The following LHCGR variants were observed in gnomAD, a reference collection of about 807,000 sequenced individuals.
LHCGR encodes luteinizing hormone/choriogonadotropin receptor, also known as lutropin-choriogonadotropic hormone receptor.
LHCGR carries 55 observed loss-of-function variants against 60.7 expected under a neutral mutation model. The observed-to-expected ratio is 0.91, with a 90% CI of 0.73 to 1.13. LHCGR has a LOEUF of 1.13. Ranked by LOEUF, LHCGR falls within the 50% of genes most tolerant of loss-of-function variation. The pLI is 0.00. For synonymous variants in LHCGR, 337 were observed against 316.5 expected (o/e 1.06, Z -0.69); for missense variants, 862 against 836.0 (o/e 1.03, Z -0.38).
chr2:48,689,220 CAT>C (rs1201775024), intron 10 of LHCGR, among the ~76,000 whole-genome samples: 1 of 151,414 alleles, frequency 6.6e-6, no homozygotes, highest in African/African-American at 2.4e-5. Context: ...ATATATATAA[CAT>C]TGATACAAAA....
At chr2:48,709,045 T>TAC in intron 7 of LHCGR, 23 bp from the exon 8 acceptor site, 1 of 1,591,706 alleles carries the variant, frequency 6.3e-7, no homozygotes, top group Non-Finnish European at 8.6e-7. Context: ...ATATTGCCCT[T>TAC]AGTGGAGTTT....
Position 48,729,241 on chromosome 2 carries a change from G to A in LHCGR, c.234-14C>T. The A allele has an allele frequency of 1.3e-6, 2 of 1,584,322 alleles. No homozygotes were observed. The highest frequency in any genetic ancestry group is 1.7e-6 in the Non-Finnish European group (2 of 1,156,398). ...TGAGAGATTTCACTAGGGAAGAGAG[G>A]AGGGGGAAAAAGAGAAAGAAACATG... On this transcript the variant is annotated splice_polypyrimidine_tract_variant and intron_variant, in intron 2 of 10. Coordinates refer to ENST00000294954, the MANE Select transcript of LHCGR (RefSeq NM_000233.4).
intron 6 of LHCGR, among the ~76,000 whole-genome samples, chr2:48,714,483 CTT>C (rs61510695): frequency 0.13 from 17,613 of 139,766 alleles, 1,246 homozygotes; most frequent in Middle Eastern, 0.24. Flanking sequence ...ACTGAGCCCA[CTT>C]TTTTTTTTTT....
intron 6 of LHCGR, among the ~76,000 whole-genome samples, chr2:48,716,932 G>T (rs985505398): frequency 6.6e-6 from 1 of 152,160 alleles, no homozygotes; most frequent in Non-Finnish European, 1.5e-5. Flanking sequence ...GAAACTAATA[G>T]TGGTATCCAA....
At position 48,698,749 on chromosome 2, in the gene LHCGR, G is replaced by A. The variant is rs1297774831; in HGVS notation, c.732C>T (p.Ser244=). 6.2e-7 allele frequency: 1 copy of A among 1,613,936 alleles called. No individual in the cohort carries two copies. The highest frequency in any genetic ancestry group is 1.3e-5 in the African/African-American group (1 of 74,908). Residue 244 remains serine (S), a synonymous_variant, in exon 9 of 11, where the codon TCC becomes TCT. Coordinates refer to ENST00000294954, the MANE Select transcript of LHCGR (RefSeq NM_000233.4). ...LQALPSYGLE[S]IQRLIATSSY... ...ATGACGTGGCAATTAGCCTCTGAAT[G>A]GACTCTAGGCCATAGCTCGGCAGGG...
chr2:48,705,513 G>T (rs1251546419), intron 8 of LHCGR, among the ~76,000 whole-genome samples: 1 of 152,152 alleles, frequency 6.6e-6, no homozygotes, highest in African/African-American at 2.4e-5. Context: ...CATTATTATT[G>T]TGTGGGAGTC....
intron 1 of LHCGR, among the ~76,000 whole-genome samples, chr2:48,740,440 C>A (rs1669394771): frequency 6.6e-6 from 1 of 152,212 alleles, no homozygotes. Context: ...TTAAATGTCC[C>A]TGTCTGACAG....
intron 1 of LHCGR, chr2:48,732,754 G>C (rs1054771204): frequency 2.2e-6 from 1 of 460,154 alleles, no homozygotes; most frequent in Non-Finnish European, 4.4e-6. Context: ...TCTGCAAAGC[G>C]GTTTACCAGC....
chr2:48,711,341 A>G (rs1667980754), intron 7 of LHCGR, among the ~76,000 whole-genome samples: 1 of 152,202 alleles, frequency 6.6e-6, no homozygotes, highest in Non-Finnish European at 1.5e-5. Flanking sequence ...TAGAACAGAA[A>G]CTACATAAGG....
In LHCGR at chr2:48,687,947, C is replaced by G; in HGVS notation, c.1850G>C (p.Cys617Ser). Residue 617 changes from cysteine (C) to serine (S), a missense_variant, in exon 11 of 11, where the codon TGT (cysteine) becomes TCT (serine). Coordinates refer to ENST00000294954, the MANE Select transcript of LHCGR (RefSeq NM_000233.4). ...LLVLFYPINSCANPFLYAIFT... is the reference protein window; with the variant it reads ...LLVLFYPINSSANPFLYAIFT... The stretch of plus-strand genomic sequence containing the variant: ...TATTGCATACAGAAATGGATTGGCA[C>G]AAGAATTGATGGGATAAAAAAGAAC... 6.2e-7 allele frequency: 1 copy of G among 1,613,984 alleles called. No individual in the cohort carries two copies. The highest frequency in any genetic ancestry group is 8.5e-7 in the Non-Finnish European group (1 of 1,179,968).
chr2:48,742,452 C>T lies in LHCGR; in HGVS notation c.162-11154G>A, dbSNP rs534486992. The stretch of plus-strand genomic sequence containing the variant: ...ACCACATACTTGGAAGTAAAGCTCT[C>T]CTCAGCAAATGTAAAAGAACAGAAA... On this transcript the variant is annotated intron_variant, in intron 1 of 10. Transcript: ENST00000294954. Among the ~76,000 whole-genome samples the T allele has an allele frequency of 5.8e-3, 884 of 151,166 alleles. 18 individuals carry two copies. Among genetic ancestry groups the T allele is most frequent in the South Asian group, 0.047 (223 of 4,712 alleles).
intron 6 of LHCGR, chr2:48,720,475 T>C (rs1234464189): frequency 6.6e-6 from 1 of 152,250 alleles, no homozygotes; most frequent in African/African-American, 2.4e-5. Flanking sequence ...GCCTACTCTA[T>C]TGAATAGATT....
chr2:48,732,280 G>A lies in LHCGR; in HGVS notation c.162-982C>T, dbSNP rs147444556. Among the ~76,000 whole-genome samples, 1,035 of 152,334 alleles carry A rather than the reference G, an allele frequency of 6.8e-3. 16 individuals carry two copies. The highest frequency in any genetic ancestry group is 0.023 in the African/African-American group (974 of 41,562). On this transcript the variant is annotated intron_variant, in intron 1 of 10. Coordinates refer to ENST00000294954, the MANE Select transcript of LHCGR (RefSeq NM_000233.4). ...AAGGGAGTGGGCAAGGATATTTCAGGTGGGAAGTGAGTATGTGAGTATCAG... is the reference window on the plus strand; with the variant it reads ...AAGGGAGTGGGCAAGGATATTTCAGATGGGAAGTGAGTATGTGAGTATCAG...
intron 6 of LHCGR, among the ~76,000 whole-genome samples, chr2:48,717,861 A>C (rs1170754744): frequency 1.7e-5 from 2 of 119,460 alleles, no homozygotes; most frequent in Non-Finnish European, 3.3e-5. Context: ...TTTTTTCTGA[A>C]TAGCCTCAGT....
chr2:48,719,781 C>G (rs1241091800), intron 6 of LHCGR, among the ~76,000 whole-genome samples: 1 of 152,172 alleles, frequency 6.6e-6, no homozygotes, highest in Non-Finnish European at 1.5e-5. Flanking sequence ...CTACAAAAAG[C>G]AAAATCTCAA....
At chr2:48,702,197 T>A (rs569892673) in intron 8 of LHCGR, among the ~76,000 whole-genome samples, 3 of 152,196 alleles carry the variant, frequency 2.0e-5, no homozygotes, top group African/African-American at 7.2e-5. Flanking sequence ...ATGTTGGATG[T>A]TTCATGTTGG....
At chr2:48,753,118 G>A (rs1419039087) in intron 1 of LHCGR, among the ~76,000 whole-genome samples, 1 of 151,952 alleles carries the variant, frequency 6.6e-6, no homozygotes, top group Admixed American at 6.6e-5. Flanking sequence ...AATCACCTGA[G>A]GAGCTTGTTA....
intron 2 of LHCGR, among the ~76,000 whole-genome samples, chr2:48,729,851 C>G (rs1207663420): frequency 6.6e-6 from 1 of 152,166 alleles, no homozygotes; most frequent in Non-Finnish European, 1.5e-5. Flanking sequence ...ATATTCTATT[C>G]ACTTCTGAAT....
intron 1 of LHCGR, among the ~76,000 whole-genome samples, chr2:48,749,167 C>T (rs145588551): frequency 0.011 from 1,740 of 152,296 alleles, 21 homozygotes; most frequent in Middle Eastern, 0.02. Context: ...CATTAAGGAA[C>T]TGAGGTTCAG....
Sources: gnomAD v4.1 joint callset for allele counts (sites outside exome capture counted in the v4.1 genomes callset) on GRCh38, gnomAD v4.1.1 for gene constraint, MANE v1.5 for transcripts, NCBI Gene and HGNC (gene_info 2026-07-23, HGNC 2026-07-21) for gene names.